Variants in ZFPM2 observed in about 807,000 individuals in gnomAD.
ZFPM2 encodes the protein zinc finger protein, FOG family member 2, also known as zinc finger protein ZFPM2.
A neutral mutation model predicts 98.6 loss-of-function variants in ZFPM2; 20 were observed. The ratio of observed to expected loss-of-function variants is 0.20; its 90% CI spans 0.14 to 0.29. ZFPM2 has a LOEUF of 0.29. Ranked by LOEUF, ZFPM2 falls within the 10% of genes least tolerant of loss-of-function variation. The pLI, the probability that ZFPM2 is intolerant of heterozygous loss-of-function variation, is 1.00. For missense variants in ZFPM2, 1,310 were observed against 1,388.6 expected, an observed-to-expected ratio of 0.94 and a Z score of 0.90; for synonymous variants, 518 against 502.7, an observed-to-expected ratio of 1.03 and a Z score of -0.41.
Position 105,586,004 on chromosome 8 carries a change from T to G in ZFPM2, c.420+24523T>G, listed in dbSNP as rs537249758. On this transcript the variant is annotated intron_variant, in intron 4 of 7. Transcript: ENST00000407775. ...GTAGTGTGTATGTGGGGGGAAGGGG[T>G]GTGTGTGTGTGTGTGTGTGTGTGTG... Among the ~76,000 whole-genome samples the G allele has an allele frequency of 3.3e-3, 150 of 45,022 alleles. 1 individual carries two copies. The highest frequency in any genetic ancestry group is 0.024 in the East Asian group (71 of 2,962). The allele number at this position is 45,022 out of a possible 152,430, so 29.5% of individuals were successfully genotyped here. A position where few individuals can be genotyped will look rare whatever the true frequency, so the allele number is the denominator to read the frequency against.
At chr8:105,464,950 A>C (rs1413769713) in intron 3 of ZFPM2, among the ~76,000 whole-genome samples, 1 of 128,156 alleles carries the variant, frequency 7.8e-6, no homozygotes, top group Admixed American at 8.1e-5. Flanking sequence ...TGAAAATGCT[A>C]AAAAAAAAAA....
chr8:105,569,388 C>T (rs1815308866), intron 4 of ZFPM2, among the ~76,000 whole-genome samples: 1 of 152,190 alleles, frequency 6.6e-6, no homozygotes, highest in South Asian at 2.1e-4. Flanking sequence ...GGCTTTACAT[C>T]CATGTCTGTT....
rs553303838 is a variant in ZFPM2 at position 105,518,656 on chromosome 8, A to G, written c.302-42707A>G. 8.5e-5 allele frequency among the ~76,000 whole-genome samples: 13 copies of G among 152,342 alleles called. No individual in the cohort carries two copies. The East Asian group carries it at 2.1e-3, about 25-fold the overall frequency. On this transcript the variant is annotated intron_variant, in intron 3 of 7. Transcript: ENST00000407775. ...AAAGGAGGTGTTTTCAGTGGCAACA[A>G]GCTCTTTGAAATGTAATTGTTATGA...
intron 5 of ZFPM2, among the ~76,000 whole-genome samples, chr8:105,679,843 A>T (rs1169806218): frequency 6.6e-6 from 1 of 152,032 alleles, no homozygotes; most frequent in African/African-American, 2.4e-5. Flanking sequence ...ACATTTTGTA[A>T]TAACCAAATT....
At chr8:105,416,884 T>C (rs1811689990) in intron 1 of ZFPM2, among the ~76,000 whole-genome samples, 2 of 152,178 alleles carry the variant, frequency 1.3e-5, no homozygotes, top group Admixed American at 1.3e-4. Flanking sequence ...TAAATAATTA[T>C]GTTAATATGA....
intron 5 of ZFPM2, among the ~76,000 whole-genome samples, chr8:105,744,402 T>C (rs1000164662): frequency 4.6e-5 from 7 of 152,126 alleles, no homozygotes; most frequent in Admixed American, 4.6e-4. Context: ...TTATCACATA[T>C]GCATTGAGCC....
chr8:105,792,215 T>C (rs929589515), intron 6 of ZFPM2, among the ~76,000 whole-genome samples: 1 of 152,222 alleles, frequency 6.6e-6, no homozygotes, highest in South Asian at 2.1e-4. Context: ...CTGCTTTCTC[T>C]TGTGGGCATT....
intron 5 of ZFPM2, among the ~76,000 whole-genome samples, chr8:105,773,507 A>G (rs1222323033): frequency 2.0e-5 from 3 of 151,998 alleles, no homozygotes; most frequent in Non-Finnish European, 4.4e-5. Context: ...AGTTTTTAAA[A>G]ATAAAATAAA....
chr8:105,724,219 C>T (rs1160472842), intron 5 of ZFPM2, among the ~76,000 whole-genome samples: 2 of 151,868 alleles, frequency 1.3e-5, no homozygotes, highest in Non-Finnish European at 2.9e-5. Context: ...TGCAAGATTT[C>T]TATGCCTGCT....
At chr8:105,446,603 A>T (rs1812375641) in intron 3 of ZFPM2, among the ~76,000 whole-genome samples, 1 of 152,172 alleles carries the variant, frequency 6.6e-6, no homozygotes, top group Non-Finnish European at 1.5e-5. Context: ...ATTTTCGTTT[A>T]AATTTATTTA....
intron 3 of ZFPM2, among the ~76,000 whole-genome samples, chr8:105,470,616 TA>T (rs1812884723): frequency 6.6e-6 from 1 of 152,064 alleles, no homozygotes; most frequent in South Asian, 2.1e-4. Context: ...TGTCTCTATT[TA>T]AAATACAAAA....
rs181752417 is a variant in ZFPM2 at position 105,619,261 on chromosome 8, T to A, written c.421-14985T>A. 3.9e-5 allele frequency among the ~76,000 whole-genome samples: 6 copies of A among 152,290 alleles called. No homozygotes were observed. The East Asian group carries it at 5.8e-4, about 15-fold the overall frequency. On this transcript the variant is annotated intron_variant, in intron 4 of 7. Transcript: ENST00000407775. ...TGGACCATCAAATATGTGTGTTTGG[T>A]CATGGACCATCAAATATGTGTTGCA...
intron 5 of ZFPM2, among the ~76,000 whole-genome samples, chr8:105,643,059 C>T (rs1180682715): frequency 6.6e-6 from 1 of 152,114 alleles, no homozygotes; most frequent in Non-Finnish European, 1.5e-5. Flanking sequence ...AAAACCTTAG[C>T]ATGGAAGCAG....
At chr8:105,354,940 C>T (rs767965836) in intron 1 of ZFPM2, among the ~76,000 whole-genome samples, 9 of 151,776 alleles carry the variant, frequency 5.9e-5, no homozygotes, top group Non-Finnish European at 1.2e-4. Flanking sequence ...GGCGACAGAG[C>T]AAGACTCTGT....
chr8:105,443,172 G>A (rs1812289540), intron 2 of ZFPM2, among the ~76,000 whole-genome samples: 1 of 151,830 alleles, frequency 6.6e-6, no homozygotes, highest in Admixed American at 6.6e-5. Context: ...AGCCGGGCGT[G>A]GTGGCAGGCA....
intron 3 of ZFPM2, among the ~76,000 whole-genome samples, chr8:105,521,203 C>T (rs1321321771): frequency 3.3e-5 from 5 of 151,852 alleles, no homozygotes; most frequent in Non-Finnish European, 7.4e-5. Flanking sequence ...CATACACACA[C>T]GGTGATCCAG....
At chr8:105,392,976 T>C (rs1386405843) in intron 1 of ZFPM2, among the ~76,000 whole-genome samples, 1 of 152,178 alleles carries the variant, frequency 6.6e-6, no homozygotes, top group Non-Finnish European at 1.5e-5. Context: ...CATTAGCATG[T>C]GGTTCAAAGG....
At chr8:105,625,126 AGTG>A (rs1177897841) in intron 4 of ZFPM2, among the ~76,000 whole-genome samples, 1 of 152,162 alleles carries the variant, frequency 6.6e-6, no homozygotes, top group African/African-American at 2.4e-5. Context: ...TATATAGTGT[AGTG>A]GTTCTCGTTA....
intron 1 of ZFPM2, among the ~76,000 whole-genome samples, chr8:105,401,788 T>G (rs1428834438): frequency 2.0e-5 from 3 of 152,154 alleles, no homozygotes; most frequent in Non-Finnish European, 4.4e-5. Flanking sequence ...AAAATTTGAT[T>G]TTAAAATTAT....
Sources: gnomAD v4.1 joint callset for allele counts (sites outside exome capture counted in the v4.1 genomes callset) on GRCh38, gnomAD v4.1.1 for gene constraint, MANE v1.5 for transcripts, NCBI Gene and HGNC (gene_info 2026-07-23, HGNC 2026-07-21) for gene names.